Variants in OTOGL observed in about 807,000 individuals in gnomAD.
OTOGL encodes the protein otogelin-like protein.
A neutral mutation model predicts 318.5 loss-of-function variants in OTOGL; 285 were observed. The observed-to-expected ratio is 0.89, with a 90% CI of 0.81 to 0.99. The LOEUF is 0.99. Ranked by LOEUF, OTOGL falls within the 50% of genes least tolerant of loss-of-function variation. The pLI is 0.00. For missense variants in OTOGL, 2,899 were observed against 2,845.6 expected, an observed-to-expected ratio of 1.02 and a Z score of -0.43; for synonymous variants, 987 against 936.5, an observed-to-expected ratio of 1.05 and a Z score of -0.99.
At chr12:80,195,980 C>T (rs1226095516) in intron 1 of OTOGL, among the ~76,000 whole-genome samples, 1 of 152,206 alleles carries the variant, frequency 6.6e-6, no homozygotes, top group East Asian at 1.9e-4. Flanking sequence ...ATTCTCATGC[C>T]TGTTCATGCC....
At chr12:80,303,257 G>A (rs941779089) in intron 28 of OTOGL, among the ~76,000 whole-genome samples, 12 of 152,214 alleles carry the variant, frequency 7.9e-5, no homozygotes, top group East Asian at 1.9e-4. Flanking sequence ...CCGGGTTCAC[G>A]CCATTCTCCT....
chr12:80,133,841 C>T (rs1019184203), intron 1 of OTOGL, among the ~76,000 whole-genome samples: 3 of 152,026 alleles, frequency 2.0e-5, no homozygotes, highest in African/African-American at 7.2e-5. Context: ...TGTAGTCCAG[C>T]TACTCGGGAG....
At position 80,238,803 on chromosome 12, in the gene OTOGL, T is replaced by C. The variant is rs11114360; in HGVS notation, c.818-48T>C. ...CCATGTCTGTTTGTGGAAAATGATATGATTACACCTATTTGTGTGTGTGTG... is the reference window on the plus strand; with the variant it reads ...CCATGTCTGTTTGTGGAAAATGATACGATTACACCTATTTGTGTGTGTGTG... On this transcript the variant is annotated intron_variant, in intron 9 of 58. Transcript: ENST00000547103. 9.3e-3 allele frequency: 12,863 copies of C among 1,380,510 alleles called. 1,028 individuals carry two copies. The African/African-American group carries it at 0.17, about 18-fold the overall frequency. The allele number at this position is 1,380,510 out of a possible 1,614,324, so 85.5% of individuals were successfully genotyped here.
Position 80,378,672 on chromosome 12 carries a change from A to G in OTOGL, c.*624A>G, listed in dbSNP as rs1309092427. The G allele has an allele frequency of 2.0e-5, 3 of 152,168 alleles. No homozygotes were observed. The highest frequency in any genetic ancestry group is 4.4e-5 in the Non-Finnish European group (3 of 68,022). The allele number at this position is 152,168 out of a possible 1,614,324, so 9.4% of individuals were successfully genotyped here. ...GTAAATTCATGTTAACAGTTGGATT[A>G]AATCCTAGCTCTCTCTTATTCCAGT... On this transcript the variant is annotated 3_prime_UTR_variant, in exon 59 of 59. Coordinates refer to ENST00000547103, the MANE Select transcript of OTOGL (RefSeq NM_001378609.3).
intron 1 of OTOGL, among the ~76,000 whole-genome samples, chr12:80,150,852 A>T (rs1039005804): frequency 2.0e-5 from 3 of 152,206 alleles, no homozygotes; most frequent in African/African-American, 7.2e-5. Context: ...GTAGAAATAG[A>T]TGCTTTTTAT....
chr12:80,161,073 A>C (rs1047254088), intron 1 of OTOGL, among the ~76,000 whole-genome samples: 1 of 151,908 alleles, frequency 6.6e-6, no homozygotes, highest in African/African-American at 2.4e-5. Context: ...GACTTTGGGG[A>C]CTCGGGGGAA....
chr12:80,350,757 T>C (rs1889491823), intron 44 of OTOGL, among the ~76,000 whole-genome samples: 1 of 152,216 alleles, frequency 6.6e-6, no homozygotes, highest in Non-Finnish European at 1.5e-5. Flanking sequence ...GGTTATTTGT[T>C]TCCTTGTTAT....
rs142615021 is a variant in OTOGL, at chr12:80,353,161, C to T, written c.5408-164C>T. ...ATGCAAAAAACAAACACATTGATGC[C>T]TTTGTTTCTGATTTATGGTTACAGA... On this transcript the variant is annotated intron_variant, in intron 45 of 58. Coordinates refer to ENST00000547103, the MANE Select transcript of OTOGL (RefSeq NM_001378609.3). 3.3e-5 allele frequency among the ~76,000 whole-genome samples: 5 copies of T among 152,224 alleles called. No individual in the cohort carries two copies. In the East Asian group the frequency reaches 9.6e-4, roughly 29 times the overall value.
intron 26 of OTOGL, among the ~76,000 whole-genome samples, chr12:80,284,726 G>T (rs933512561): frequency 1.3e-5 from 2 of 152,020 alleles, no homozygotes; most frequent in African/African-American, 4.8e-5. Context: ...TGATGGGGTT[G>T]TTTGTCTTTT....
In OTOGL at chr12:80,249,774, C is replaced by T. The variant is rs371336859; in HGVS notation, c.1053-1919C>T. ...CGCCCCTCCCCCAGCCTCGCTGCCG[C>T]CTTGCAGTTTGATCTCAGACTGCTG... On this transcript the variant is annotated intron_variant, in intron 11 of 58. Transcript: ENST00000547103. 9.1e-4 allele frequency among the ~76,000 whole-genome samples: 138 copies of T among 152,256 alleles called. No homozygotes were observed. In the East Asian group the frequency reaches 0.019, roughly 21 times the overall value.
At chr12:80,210,732 C>A (rs1425794713) in intron 2 of OTOGL, 115 bp from the exon 3 acceptor site, 11 of 782,824 alleles carry the variant, frequency 1.4e-5, no homozygotes, top group East Asian at 3.2e-5. Context: ...AAACTAACAG[C>A]AAACTTCAAT....
rs75183305 is a variant in OTOGL at position 80,293,669 on chromosome 12, T to C, written c.2929-3158T>C. On this transcript the variant is annotated intron_variant, in intron 26 of 58. Coordinates refer to ENST00000547103, the MANE Select transcript of OTOGL (RefSeq NM_001378609.3). ...CTCATATGTTCAGCTTTTTTTTTTTTACCTGGTCAGCTCCTACTCTTCCTT... is the reference window on the plus strand; with the variant it reads ...CTCATATGTTCAGCTTTTTTTTTTTCACCTGGTCAGCTCCTACTCTTCCTT... Among the ~76,000 whole-genome samples, 1,021 of 152,238 alleles carry C rather than the reference T, an allele frequency of 6.7e-3. 3 individuals carry two copies. Among genetic ancestry groups the C allele is most frequent in the Middle Eastern group, 0.017 (5 of 294 alleles).
At chr12:80,149,029 C>T (rs182965246) in intron 1 of OTOGL, among the ~76,000 whole-genome samples, 9,738 of 152,124 alleles carry the variant, frequency 0.064, 972 homozygotes, top group African/African-American at 0.22. Context: ...GTAATTTGAT[C>T]GTCTGAAGCC....
chr12:80,240,114 T>C (rs1426989661), intron 11 of OTOGL, among the ~76,000 whole-genome samples: 1 of 152,154 alleles, frequency 6.6e-6, no homozygotes, highest in African/African-American at 2.4e-5. Flanking sequence ...ACAATTTTTT[T>C]TATCCATTCA....
chr12:80,193,536 A>AATC (rs1875843439), intron 1 of OTOGL, among the ~76,000 whole-genome samples: 1 of 152,050 alleles, frequency 6.6e-6, no homozygotes, highest in African/African-American at 2.4e-5. Context: ...TAATAATAAT[A>AATC]ATAATAAGGT....
At chr12:80,338,576 TAC>T (rs1442593154) in intron 42 of OTOGL, among the ~76,000 whole-genome samples, 4 of 152,056 alleles carry the variant, frequency 2.6e-5, no homozygotes, top group African/African-American at 4.8e-5. Context: ...ATGCTAAAAA[TAC>T]AGTCTATAAT....
chr12:80,109,556 AAG>A (rs1316548963), intron 1 of OTOGL, among the ~76,000 whole-genome samples: 3 of 152,304 alleles, frequency 2.0e-5, no homozygotes, highest in African/African-American at 7.2e-5. Context: ...GTTTGGATGA[AAG>A]AGGATTTCAT....
intron 1 of OTOGL, among the ~76,000 whole-genome samples, chr12:80,106,806 C>T (rs1168579680): frequency 6.6e-6 from 1 of 151,970 alleles, no homozygotes; most frequent in Non-Finnish European, 1.5e-5. Context: ...GCCTATCCTA[C>T]TTAGTTTTAT....
chr12:80,366,948 GATGTT>G (rs2138075216), intron 53 of OTOGL, among the ~76,000 whole-genome samples: 1 of 151,880 alleles, frequency 6.6e-6, no homozygotes, highest in South Asian at 2.1e-4. Context: ...TAAAAAGTAT[GATGTT>G]ATGCCCATTA....
Sources: allele counts gnomAD v4.1 joint callset (sites outside exome capture counted in the v4.1 genomes callset), GRCh38; gene constraint gnomAD v4.1.1; transcripts MANE v1.5; gene names NCBI Gene and HGNC (gene_info 2026-07-23, HGNC 2026-07-21).